The following FER variants were observed in gnomAD, a reference collection of about 807,000 sequenced individuals.
The protein encoded by FER is FER tyrosine kinase, also known as tyrosine-protein kinase Fer.
Under a neutral mutation model 111.0 loss-of-function variants are expected in FER, and 63 were observed. That is an observed-to-expected ratio of 0.57 (90% CI 0.46 to 0.70). FER has a LOEUF of 0.70. Ranked by LOEUF, FER falls within the 30% of genes least tolerant of loss-of-function variation. The pLI, the probability that FER is intolerant of heterozygous loss-of-function variation, is 0.00. For missense variants in FER, 914 were observed against 954.0 expected (o/e 0.96, Z 0.55); for synonymous variants, 327 against 313.9 (o/e 1.04, Z -0.44).
intron 13 of FER, among the ~76,000 whole-genome samples, chr5:109,004,998 G>C (rs1765311180): frequency 6.6e-6 from 1 of 151,970 alleles, no homozygotes; most frequent in Non-Finnish European, 1.5e-5. Context: ...ACTGACTAGG[G>C]ATGGCTGATT....
chr5:109,050,959 C>T (rs17534396), intron 16 of FER, among the ~76,000 whole-genome samples: 27,483 of 152,110 alleles, frequency 0.18, 2,720 homozygotes, highest in Non-Finnish European at 0.22. Context: ...TATTTAGCCA[C>T]AATTACCACC....
chr5:108,840,987 C>A lies in FER; in HGVS notation c.481+5180C>A, dbSNP rs1368512115. On this transcript the variant is annotated intron_variant, in intron 5 of 19. Transcript: ENST00000281092. Reference sequence around the variant, plus strand: ...TAGCAATATTACGTTAACAGCCCATCATTTGTAAAATGCCTAGCAGATGAC... The same window carrying A: ...TAGCAATATTACGTTAACAGCCCATAATTTGTAAAATGCCTAGCAGATGAC... Among the ~76,000 whole-genome samples the A allele has an allele frequency of 2.6e-5, 4 of 152,164 alleles. No individual in the cohort carries two copies. In the East Asian group the frequency reaches 7.7e-4, roughly 29 times the overall value.
intron 17 of FER, among the ~76,000 whole-genome samples, chr5:109,171,232 T>G (rs1757064378): frequency 6.6e-6 from 1 of 152,156 alleles, no homozygotes; most frequent in Non-Finnish European, 1.5e-5. Flanking sequence ...TCGACATCAT[T>G]CAGCAGCCCT....
At chr5:109,128,107 A>G (rs1016266515) in intron 17 of FER, among the ~76,000 whole-genome samples, 17 of 152,200 alleles carry the variant, frequency 1.1e-4, no homozygotes, top group Admixed American at 6.5e-5. Context: ...CTGAGCAGCT[A>G]CAGTGTTGAA....
intron 6 of FER, among the ~76,000 whole-genome samples, chr5:108,869,750 C>G (rs546235040): frequency 6.6e-6 from 1 of 152,216 alleles, no homozygotes; most frequent in Non-Finnish European, 1.5e-5. Context: ...TCCACAGCCT[C>G]TGAAATTAGA....
At chr5:108,879,658 A>T (rs1218845319) in intron 8 of FER, among the ~76,000 whole-genome samples, 2 of 142,686 alleles carry the variant, frequency 1.4e-5, no homozygotes, top group Admixed American at 1.4e-4. Context: ...GGTAAGAAAG[A>T]GTAAATACTT....
chr5:109,107,779 G>A (rs570796837), intron 17 of FER, among the ~76,000 whole-genome samples: 8 of 152,146 alleles, frequency 5.3e-5, no homozygotes, highest in South Asian at 4.2e-4. Context: ...GCTTTTTAAC[G>A]TGTTGCTGCT....
intron 13 of FER, among the ~76,000 whole-genome samples, chr5:109,006,852 C>G (rs1339776245): frequency 6.6e-6 from 1 of 152,114 alleles, no homozygotes; most frequent in Non-Finnish European, 1.5e-5. Flanking sequence ...ACCTGCCTCA[C>G]CTCCACTTAA....
intron 11 of FER, among the ~76,000 whole-genome samples, chr5:108,947,171 T>C (rs1386085577): frequency 6.6e-6 from 1 of 152,060 alleles, no homozygotes; most frequent in East Asian, 1.9e-4. Flanking sequence ...TTCAAGTGTT[T>C]TTCTGTGTAT....
intron 2 of FER, among the ~76,000 whole-genome samples, chr5:108,770,334 T>C (rs770713289): frequency 5.9e-5 from 9 of 152,272 alleles, no homozygotes; most frequent in South Asian, 4.1e-4. Context: ...TATACTTTTA[T>C]ACTGAGTTTT....
intron 13 of FER, among the ~76,000 whole-genome samples, chr5:109,018,366 A>G (rs1356294737): frequency 6.6e-6 from 1 of 151,912 alleles, no homozygotes; most frequent in African/African-American, 2.4e-5. Flanking sequence ...ATAATTCAAT[A>G]TGGCTTTAAG....
At chr5:108,823,889 C>T (rs1296195161) in intron 3 of FER, among the ~76,000 whole-genome samples, 1 of 151,974 alleles carries the variant, frequency 6.6e-6, no homozygotes, top group South Asian at 2.1e-4. Flanking sequence ...ATTTTTTCTT[C>T]TAGGAGTTTT....
intron 13 of FER, among the ~76,000 whole-genome samples, chr5:108,984,892 G>T (rs1354384882): frequency 6.6e-6 from 1 of 151,852 alleles, no homozygotes; most frequent in African/African-American, 2.4e-5. Flanking sequence ...TTGTAAGAAA[G>T]AATAAAATAT....
intron 5 of FER, among the ~76,000 whole-genome samples, chr5:108,853,795 CAAGT>C (rs976432155): frequency 2.0e-5 from 3 of 152,118 alleles, no homozygotes; most frequent in African/African-American, 7.2e-5. Flanking sequence ...GACTTTTACT[CAAGT>C]AAGATGGGAA....
At chr5:108,894,860 A>G (rs1352315471) in intron 9 of FER, among the ~76,000 whole-genome samples, 1 of 152,096 alleles carries the variant, frequency 6.6e-6, no homozygotes, top group Non-Finnish European at 1.5e-5. Flanking sequence ...AGAACAGCAC[A>G]GAAAAGACCC....
chr5:108,776,045 T>C (rs1206308688), intron 2 of FER, among the ~76,000 whole-genome samples: 1 of 152,204 alleles, frequency 6.6e-6, no homozygotes, highest in Admixed American at 6.5e-5. Context: ...AAATACCTTA[T>C]GATAATTCAT....
At chr5:108,904,323 T>C (rs575195533) in intron 10 of FER, among the ~76,000 whole-genome samples, 1 of 152,320 alleles carries the variant, frequency 6.6e-6, no homozygotes, top group Admixed American at 6.5e-5. Context: ...GTTATTTTTA[T>C]ACATAGTGTG....
rs183315431 is a variant in FER, at chr5:109,120,930, G to T, written c.2048+20411G>T. On this transcript the variant is annotated intron_variant, in intron 17 of 19. Transcript: ENST00000281092. ...TGGCATATGGAAATGCTACTAATTT[G>T]TGTATGTTGATTTTGTATCCCATAA... Among the ~76,000 whole-genome samples the T allele has an allele frequency of 2.3e-3, 348 of 152,096 alleles. 2 individuals carry two copies. The highest frequency in any genetic ancestry group is 3.1e-4 in the Non-Finnish European group (21 of 67,912).
chr5:109,176,801 G>A (rs879052774), intron 17 of FER, among the ~76,000 whole-genome samples: 7 of 152,066 alleles, frequency 4.6e-5, no homozygotes, highest in African/African-American at 9.7e-5. Context: ...CCGTATACTC[G>A]CAGTTGTCAA....
Sources: allele counts gnomAD v4.1 joint callset (sites outside exome capture counted in the v4.1 genomes callset), GRCh38; gene constraint gnomAD v4.1.1; transcripts MANE v1.5; gene names NCBI Gene and HGNC (gene_info 2026-07-23, HGNC 2026-07-21).